Variants in NCOR2 observed in about 807,000 individuals in gnomAD.
NCOR2 encodes the protein nuclear receptor corepressor 2, also known as CTG repeat protein 26.
In NCOR2, 81 loss-of-function variants were observed where a neutral mutation model predicts 262.9. The observed-to-expected ratio is 0.31, with a 90% CI of 0.26 to 0.37. The LOEUF is 0.37. Among genes scored for constraint, NCOR2 ranks in the 10% least tolerant of loss-of-function variants. The pLI is 1.00. For missense variants in NCOR2, 3,385 were observed against 3,621.4 expected (o/e 0.93, Z 1.68); for synonymous variants, 1,659 against 1,559.3 (o/e 1.06, Z -1.51).
chr12:124,472,865 G>A, intron 4 of NCOR2, 87 bp downstream of exon 6: 1 of 1,564,694 alleles, frequency 6.4e-7, no homozygotes, highest in Non-Finnish European at 8.8e-7. Context: ...CTTGGGAAGG[G>A]CTTGGCACAT....
At chr12:124,529,196 A>AAAAAAAAAAAC (rs1566029114) in intron 1 of NCOR2, among the ~76,000 whole-genome samples, 5 of 147,074 alleles carry the variant, frequency 3.4e-5, no homozygotes, top group South Asian at 4.3e-4. Flanking sequence ...AAAAAAAAAA[A>AAAAAAAAAAAC]AAAAAACACT....
intron 7 of NCOR2, among the ~76,000 whole-genome samples, chr12:124,438,289 C>T (rs538585007): frequency 2.0e-5 from 3 of 152,290 alleles, no homozygotes; most frequent in South Asian, 2.1e-4. Context: ...ACATGCACCC[C>T]GGCAGCCACA....
chr12:124,428,204 C>T (rs112205572), intron 10 of NCOR2, among the ~76,000 whole-genome samples: 1,709 of 152,238 alleles, frequency 0.011, 29 homozygotes, highest in Non-Finnish European at 0.011. Context: ...AGCCTCTCTG[C>T]GGGATGTCCA....
chr12:124,342,595 C>T (rs2036545485), intron 33 of NCOR2, among the ~76,000 whole-genome samples: 2 of 152,248 alleles, frequency 1.3e-5, no homozygotes, highest in South Asian at 4.1e-4. Flanking sequence ...GTCTCTATCT[C>T]CTGACCTTGT....
At chr12:124,354,171 G>A (rs749375859) in exon 27 of NCOR2, 27 of 1,605,630 alleles carry the variant, frequency 1.7e-5, no homozygotes, top group South Asian at 1.0e-4. Context: ...TGATGCTTCC[G>A]CCCGGAACTG....
intron 1 of NCOR2, among the ~76,000 whole-genome samples, chr12:124,519,054 G>T (rs1009199044): frequency 5.7e-5 from 8 of 141,114 alleles, no homozygotes; most frequent in African/African-American, 1.8e-4. Context: ...GGTCATCTCG[G>T]TGACAGGCCT....
chr12:124,340,651 G>C (rs756738128), exon 35 of NCOR2: 1 of 1,500,414 alleles, frequency 6.7e-7, no homozygotes, highest in Non-Finnish European at 8.8e-7. Flanking sequence ...GCTGGGGCGC[G>C]GTGGGGAGGT....
intron 13 of NCOR2, among the ~76,000 whole-genome samples, chr12:124,408,620 A>C (rs2042401407): frequency 6.6e-6 from 1 of 151,006 alleles, no homozygotes; most frequent in Admixed American, 6.6e-5. Flanking sequence ...TAGGTGGTGC[A>C]TCCCTGTAGT....
Position 124,483,537 on chromosome 12 carries a change from C to A in NCOR2, c.411+59G>T. 4.8e-6 allele frequency: 7 copies of A among 1,471,674 alleles called. No homozygotes were observed. Among genetic ancestry groups the A allele is most frequent in the Non-Finnish European group, 6.3e-6 (7 of 1,109,260 alleles). 91.2% of individuals were successfully genotyped at this position (1,471,674 alleles called of 1,614,324 possible). A position where few individuals can be genotyped will look rare whatever the true frequency, so the allele number is the denominator to read the frequency against. On this transcript the variant is annotated intron_variant, in intron 3 of 46. Transcript: ENST00000405201. The surrounding 1 kb of genome is among the most constrained non-coding windows in gnomAD (Gnocchi z 6.3). The stretch of plus-strand genomic sequence containing the variant: ...CCCTACCCACCACCTCCCACCCAGC[C>A]CAACCAGCAGCAGAACCTCAAGCGG...
chr12:124,334,361 C>A, intron 41 of NCOR2, 63 bp downstream of exon 43: 1 of 1,248,742 alleles, frequency 8.0e-7, no homozygotes, highest in Non-Finnish European at 1.1e-6. Flanking sequence ...AGCTCTGAGG[C>A]AGGCAGCTGA....
intron 16 of NCOR2, among the ~76,000 whole-genome samples, chr12:124,387,692 C>T (rs1387998287): frequency 6.6e-6 from 1 of 152,226 alleles, no homozygotes; most frequent in Non-Finnish European, 1.5e-5. Flanking sequence ...GATCAAGTGG[C>T]ACCCGGCCCC....
At chr12:124,465,669 C>T (rs1257174359) in intron 5 of NCOR2, among the ~76,000 whole-genome samples, 1 of 152,088 alleles carries the variant, frequency 6.6e-6, no homozygotes, top group Non-Finnish European at 1.5e-5. Context: ...TCCAATGCTT[C>T]CTAGCTGTGT....
chr12:124,349,914 G>A (rs573268596), intron 28 of NCOR2, among the ~76,000 whole-genome samples: 4 of 152,298 alleles, frequency 2.6e-5, no homozygotes, highest in East Asian at 1.9e-4. Flanking sequence ...GCAGCAGGGA[G>A]TGCATTATGT....
chr12:124,335,392 T>C, intron 39 of NCOR2, 91 bp downstream of exon 41: 1 of 1,518,184 alleles, frequency 6.6e-7, no homozygotes, highest in Non-Finnish European at 8.8e-7. Context: ...CCTTGGCCTT[T>C]AGGCACCTCT....
At chr12:124,435,237 T>C (rs902692935) in intron 8 of NCOR2, among the ~76,000 whole-genome samples, 14 of 152,234 alleles carry the variant, frequency 9.2e-5, no homozygotes, top group African/African-American at 3.1e-4. Context: ...TGTGCAGCTC[T>C]TCTCCCCAGA....
intron 4 of NCOR2, among the ~76,000 whole-genome samples, chr12:124,471,238 C>T (rs2046816796): frequency 6.6e-6 from 1 of 152,228 alleles, no homozygotes; most frequent in Non-Finnish European, 1.5e-5. Context: ...ACCAGGGCAC[C>T]TCTTCCTGGA....
chr12:124,335,584 G>A (rs1411008653), exon 39 of NCOR2: 4 of 1,608,450 alleles, frequency 2.5e-6, no homozygotes, highest in Non-Finnish European at 1.7e-6. Flanking sequence ...TGAGCTCACA[G>A]GGCTGACGGG....
chr12:124,517,468 G>C lies in NCOR2; in HGVS notation c.-118+18097C>G, dbSNP rs527941204. 5.3e-5 allele frequency among the ~76,000 whole-genome samples: 8 copies of C among 152,144 alleles called. No homozygotes were observed. The highest frequency in any genetic ancestry group is 8.8e-5 in the Non-Finnish European group (6 of 68,018). ...CCCTGGGCAAGCCTGGGCCGGTGGC[G>C]CTGATTTCAAACCAGACATGGGCAC... On this transcript the variant is annotated intron_variant, in intron 1 of 46. Coordinates refer to the NCOR2 transcript ENST00000404621. This position sits in a 1 kb window ranked among gnomAD's most constrained non-coding sequence, Gnocchi z 7.6.
intron 5 of NCOR2, among the ~76,000 whole-genome samples, chr12:124,464,941 G>A (rs2046345554): frequency 6.6e-6 from 1 of 152,146 alleles, no homozygotes; most frequent in African/African-American, 2.4e-5. Context: ...GAGTGAGCCG[G>A]GCACACAGTT....
Sources: gnomAD v4.1 joint callset for allele counts (sites outside exome capture counted in the v4.1 genomes callset) on GRCh38, gnomAD v4.1.1 for gene constraint, Gnocchi (gnomAD v3.1) non-coding constraint, MANE v1.5 for transcripts, NCBI Gene and HGNC (gene_info 2026-07-23, HGNC 2026-07-21) for gene names.